Variants in SYTL5 observed in about 807,000 individuals in gnomAD.
SYTL5 encodes the protein synaptotagmin like 5, also known as synaptotagmin-like protein 5.
A neutral mutation model predicts 55.9 loss-of-function variants in SYTL5; 34 were observed. That is an observed-to-expected ratio of 0.61 (90% CI 0.46 to 0.81). The LOEUF (loss-of-function observed/expected upper bound fraction) is 0.81. Ranked by LOEUF, SYTL5 falls within the 30% of genes least tolerant of loss-of-function variation. SYTL5 has a pLI of 0.00. For missense variants in SYTL5, 637 were observed against 546.7 expected, an observed-to-expected ratio of 1.17 and a Z score of -1.65; for synonymous variants, 221 against 188.7, an observed-to-expected ratio of 1.17 and a Z score of -1.40.
At chrX:38,074,300 A>G (rs1182162663) in intron 5 of SYTL5, among the ~76,000 whole-genome samples, 1 of 112,054 alleles carries the variant, frequency 8.9e-6, no homozygotes, top group African/African-American at 3.2e-5. Flanking sequence ...TATAGGCTAT[A>G]AGGACCAAAA....
At chrX:38,074,706 T>C (rs896194484) in intron 5 of SYTL5, among the ~76,000 whole-genome samples, 4 of 112,039 alleles carry the variant, frequency 3.6e-5, no homozygotes, top group Non-Finnish European at 7.5e-5. Context: ...CTAAATGTCA[T>C]CTAACTCAAG....
the SYTL5 span, among the ~76,000 whole-genome samples, chrX:37,971,509 G>T: frequency 9.1e-6 from 1 of 110,341 alleles, no homozygotes; most frequent in Non-Finnish European, 1.9e-5. Context: ...AACTTTGCCA[G>T]TTTGCAAAAC....
the SYTL5 span, chrX:37,946,411 A>G: frequency 3.5e-5 from 7 of 201,462 alleles, no homozygotes; most frequent in Admixed American, 6.8e-5. Flanking sequence ...AAAATTCATC[A>G]TGAGTTTCAA....
the SYTL5 span, among the ~76,000 whole-genome samples, chrX:37,892,569 T>C: frequency 1.0e-5 from 1 of 96,910 alleles, no homozygotes; most frequent in Non-Finnish European, 2.0e-5. Context: ...ATATATTGTA[T>C]ATACGTATAT....
intron 13 of SYTL5, among the ~76,000 whole-genome samples, chrX:38,113,068 A>G (rs992863630): frequency 8.9e-6 from 1 of 112,057 alleles, no homozygotes; most frequent in Non-Finnish European, 1.9e-5. Flanking sequence ...TTATCTTTGT[A>G]TGGGTTAGAT....
chrX:38,025,490 G>A (rs1362227380), intron 1 of SYTL5, among the ~76,000 whole-genome samples: 1 of 111,704 alleles, frequency 9.0e-6, no homozygotes, highest in African/African-American at 3.3e-5. Flanking sequence ...TTAATGACTT[G>A]TCCAAAGTTA....
At chrX:37,934,699 A>G in the SYTL5 span, among the ~76,000 whole-genome samples, 1 of 106,180 alleles carries the variant, frequency 9.4e-6, no homozygotes, top group Non-Finnish European at 1.9e-5. Flanking sequence ...CAGTGGCACG[A>G]TCTTGGCTTA....
At chrX:37,913,324 T>G in the SYTL5 span, among the ~76,000 whole-genome samples, 4 of 112,331 alleles carry the variant, frequency 3.6e-5, no homozygotes, top group Non-Finnish European at 7.5e-5. Flanking sequence ...TGGACAGTGT[T>G]TTCATGCTAT....
chrX:38,021,553 G>A (rs1315485565), intron 1 of SYTL5, among the ~76,000 whole-genome samples: 4 of 111,892 alleles, frequency 3.6e-5, no homozygotes, highest in African/African-American at 1.3e-4. Context: ...TTTTAAATCA[G>A]CATGATGAGT....
At chrX:37,999,013 A>G in the SYTL5 span, among the ~76,000 whole-genome samples, 1 of 112,309 alleles carries the variant, frequency 8.9e-6, no homozygotes, top group Non-Finnish European at 1.9e-5. Context: ...TAGAGATGAT[A>G]TGTGGTCCTA....
At chrX:38,039,188 G>C (rs916738069) in intron 2 of SYTL5, among the ~76,000 whole-genome samples, 1 of 112,092 alleles carries the variant, frequency 8.9e-6, no homozygotes, top group African/African-American at 3.2e-5. Context: ...TTCTCCTTCA[G>C]ACTAAGCAGG....
the SYTL5 span, among the ~76,000 whole-genome samples, chrX:37,951,837 A>G: frequency 4.5e-5 from 5 of 111,112 alleles, no homozygotes; most frequent in African/African-American, 1.3e-4. Context: ...GAAGGAATAC[A>G]ATGGGGAGAA....
At chrX:37,913,900 A>G in the SYTL5 span, among the ~76,000 whole-genome samples, 1 of 112,050 alleles carries the variant, frequency 8.9e-6, no homozygotes, top group Admixed American at 9.5e-5. Context: ...TTCCCCAAAC[A>G]AACTACCTAC....
the SYTL5 span, chrX:37,990,761 C>T: frequency 1.2e-5 from 13 of 1,116,692 alleles, no homozygotes; most frequent in Admixed American, 4.1e-4. Context: ...ATAGGCAGGA[C>T]TAAGCACTAG....
At chrX:38,099,560 A>G (rs2147567866) in intron 9 of SYTL5, among the ~76,000 whole-genome samples, 1 of 111,046 alleles carries the variant, frequency 9.0e-6, no homozygotes, top group East Asian at 2.8e-4. Context: ...TCCAATTTAG[A>G]TGCCTTTTAT....
At chrX:38,088,941 C>G (rs1364403910) in intron 6 of SYTL5, among the ~76,000 whole-genome samples, 1 of 112,204 alleles carries the variant, frequency 8.9e-6, no homozygotes, top group Non-Finnish European at 1.9e-5. Flanking sequence ...AGTAGTCTGG[C>G]AAAGACCGTA....
the SYTL5 span, among the ~76,000 whole-genome samples, chrX:37,889,773 T>TA: frequency 2.4e-3 from 243 of 100,403 alleles, 1 homozygote; most frequent in South Asian, 0.015. Flanking sequence ...TGAAAGAAAA[T>TA]AAAAAAAAAA....
At chrX:38,060,028 T>G (rs1364000524) in intron 3 of SYTL5, among the ~76,000 whole-genome samples, 3 of 111,710 alleles carry the variant, frequency 2.7e-5, no homozygotes, top group Non-Finnish European at 5.7e-5. Flanking sequence ...CAATCAATTA[T>G]AAGTCATCTT....
chrX:38,097,917 G>T (rs1417257333), intron 9 of SYTL5, among the ~76,000 whole-genome samples: 3 of 109,096 alleles, frequency 2.7e-5, no homozygotes, highest in Non-Finnish European at 5.8e-5. Flanking sequence ...TTGATTTTTG[G>T]TACTTCAGTG....
Sources: gnomAD v4.1 joint callset for allele counts (sites outside exome capture counted in the v4.1 genomes callset) on GRCh38, gnomAD v4.1.1 for gene constraint, MANE v1.5 for transcripts, NCBI Gene and HGNC (gene_info 2026-07-23, HGNC 2026-07-21) for gene names.